ASIC2: variants seen among roughly 807,000 people sequenced by gnomAD.
ASIC2 encodes the protein acid-sensing ion channel 2.
ASIC2 carries 25 observed loss-of-function variants against 57.3 expected under a neutral mutation model. The ratio of observed to expected loss-of-function variants is 0.44; its 90% CI spans 0.32 to 0.61. The LOEUF is 0.61. Ranked by LOEUF, ASIC2 falls within the 20% of genes least tolerant of loss-of-function variation. The probability of loss-of-function intolerance (pLI) is 0.06; values close to 1 mark genes in which losing one functional copy is unlikely to be tolerated. For synonymous variants in ASIC2, 319 were observed against 307.5 expected, an observed-to-expected ratio of 1.04 and a Z score of -0.39; for missense variants, 641 against 738.1, an observed-to-expected ratio of 0.87 and a Z score of 1.52.
At chr17:33,946,795 C>G (rs756822738) in intron 1 of ASIC2, among the ~76,000 whole-genome samples, 7 of 152,110 alleles carry the variant, frequency 4.6e-5, no homozygotes, top group Non-Finnish European at 8.8e-5. Flanking sequence ...ATAAAGCTGG[C>G]ATAGATTGGC....
At chr17:33,073,821 G>C (rs1315832097) in intron 3 of ASIC2, among the ~76,000 whole-genome samples, 1 of 152,184 alleles carries the variant, frequency 6.6e-6, no homozygotes, top group African/African-American at 2.4e-5. Flanking sequence ...CTACTGAAGG[G>C]GCCCAGCCGC....
chr17:33,382,036 T>C (rs1184234517), intron 1 of ASIC2, among the ~76,000 whole-genome samples: 2 of 152,170 alleles, frequency 1.3e-5, no homozygotes, highest in East Asian at 1.9e-4. Context: ...CCCATGTTAG[T>C]CCCACGTTGG....
At chr17:33,393,175 C>G (rs1909961998) in intron 1 of ASIC2, among the ~76,000 whole-genome samples, 1 of 152,148 alleles carries the variant, frequency 6.6e-6, no homozygotes, top group South Asian at 2.1e-4. Flanking sequence ...CAATGGCTCC[C>G]TGGTGCCTAT....
chr17:34,065,689 T>C (rs909563734), intron 1 of ASIC2, among the ~76,000 whole-genome samples: 1 of 152,168 alleles, frequency 6.6e-6, no homozygotes, highest in South Asian at 2.1e-4. Flanking sequence ...AGGAAGGTTT[T>C]GCCTACAGTC....
At chr17:33,640,171 G>A (rs1751585654) in intron 1 of ASIC2, among the ~76,000 whole-genome samples, 2 of 152,106 alleles carry the variant, frequency 1.3e-5, no homozygotes, top group Non-Finnish European at 2.9e-5. Flanking sequence ...ATCTAAGAAA[G>A]AGGAAAGGCT....
intron 1 of ASIC2, among the ~76,000 whole-genome samples, chr17:33,199,720 C>T (rs143975643): frequency 2.1e-3 from 326 of 152,300 alleles, no homozygotes; most frequent in Non-Finnish European, 3.5e-3. Context: ...GCTCAGAAAT[C>T]GATGGGCTCC....
At chr17:33,964,003 G>C (rs1905003595) in intron 1 of ASIC2, among the ~76,000 whole-genome samples, 1 of 152,188 alleles carries the variant, frequency 6.6e-6, no homozygotes, top group African/African-American at 2.4e-5. Flanking sequence ...TTGTAAGATA[G>C]AACTGTGGGA....
intron 1 of ASIC2, among the ~76,000 whole-genome samples, chr17:33,221,189 C>A (rs966605188): frequency 2.6e-5 from 4 of 152,156 alleles, no homozygotes; most frequent in Non-Finnish European, 5.9e-5. Flanking sequence ...TGTTGTAAAT[C>A]CAAATGAGAT....
intron 1 of ASIC2, among the ~76,000 whole-genome samples, chr17:33,320,597 T>G (rs1218440551): frequency 6.6e-6 from 1 of 152,216 alleles, no homozygotes; most frequent in Non-Finnish European, 1.5e-5. Context: ...TATTGTTGGT[T>G]GCGAACACAT....
intron 1 of ASIC2, among the ~76,000 whole-genome samples, chr17:33,897,325 G>A (rs780070513): frequency 1.3e-5 from 2 of 152,114 alleles, no homozygotes; most frequent in Non-Finnish European, 2.9e-5. Flanking sequence ...TTGCCCCAAA[G>A]CCTCTCTCTC....
At chr17:33,216,926 C>A (rs1907512053) in intron 1 of ASIC2, among the ~76,000 whole-genome samples, 1 of 151,936 alleles carries the variant, frequency 6.6e-6, no homozygotes. Context: ...AAGGGGTGGC[C>A]ATGGAGAGAG....
intron 1 of ASIC2, among the ~76,000 whole-genome samples, chr17:33,444,186 A>T (rs117755055): frequency 1.3e-5 from 2 of 152,190 alleles, no homozygotes; most frequent in Non-Finnish European, 2.9e-5. Context: ...TGTTTCAGAG[A>T]AAGGATTTAT....
chr17:33,537,623 G>A (rs554368261), intron 1 of ASIC2, among the ~76,000 whole-genome samples: 2 of 152,334 alleles, frequency 1.3e-5, no homozygotes, highest in East Asian at 3.9e-4. Flanking sequence ...ATGATTGAAT[G>A]TAGCCAAGTC....
intron 1 of ASIC2, among the ~76,000 whole-genome samples, chr17:33,258,787 C>G (rs989722640): frequency 6.6e-6 from 1 of 152,158 alleles, no homozygotes; most frequent in Non-Finnish European, 1.5e-5. Flanking sequence ...CCAGAAGTGG[C>G]CCAGCTGGTA....
chr17:34,095,822 A>G (rs571392695), intron 1 of ASIC2, among the ~76,000 whole-genome samples: 92 of 150,448 alleles, frequency 6.1e-4, no homozygotes, highest in African/African-American at 2.2e-3. Context: ...TCATAGACAG[A>G]AAGTGAAGGG....
chr17:33,057,724 GCCTCCAGGGCTGA>G (rs1555566299), intron 3 of ASIC2, among the ~76,000 whole-genome samples: 2 of 152,238 alleles, frequency 1.3e-5, no homozygotes, highest in South Asian at 2.1e-4. Context: ...TTGAGGCTTT[GCCTCCAGGGCTGA>G]CCTCCAGGGC....
intron 1 of ASIC2, among the ~76,000 whole-genome samples, chr17:33,585,077 C>G (rs979091257): frequency 2.6e-5 from 4 of 152,154 alleles, no homozygotes; most frequent in Admixed American, 1.3e-4. Flanking sequence ...TCCCTCCAGC[C>G]TAGAGATTAA....
intron 1 of ASIC2, among the ~76,000 whole-genome samples, chr17:33,133,716 C>T (rs545288942): frequency 2.0e-5 from 3 of 152,130 alleles, no homozygotes; most frequent in South Asian, 2.1e-4. Flanking sequence ...GTGGTGATCT[C>T]CCGGGTGAGG....
In ASIC2 at chr17:33,535,317, G is replaced by T. The variant is rs74685189; in HGVS notation, c.556-423250C>A. 2.8e-3 allele frequency among the ~76,000 whole-genome samples: 414 copies of T among 150,354 alleles called. 19 individuals carry two copies. The East Asian group carries it at 0.075, about 27-fold the overall frequency. On this transcript the variant is annotated intron_variant, in intron 1 of 9. Transcript: ENST00000359872. ...AGATGGAGTATCACTCAGTCGCCCA[G>T]GCCGGAGTGCAGTGGTGCGATCTCG... is the stretch of plus-strand genomic sequence containing the variant.
Sources: gnomAD v4.1 joint callset for allele counts (sites outside exome capture counted in the v4.1 genomes callset) on GRCh38, gnomAD v4.1.1 for gene constraint, MANE v1.5 for transcripts, NCBI Gene and HGNC (gene_info 2026-07-23, HGNC 2026-07-21) for gene names.